WARS2: variants seen among roughly 807,000 people sequenced by gnomAD.
WARS2 encodes the protein tryptophan--tRNA ligase, mitochondrial.
In WARS2, 28 loss-of-function variants were observed where a neutral mutation model predicts 36.5. The observed-to-expected ratio is 0.77, with a 90% CI of 0.57 to 1.05. The LOEUF (loss-of-function observed/expected upper bound fraction) is 1.05. Among genes scored for constraint, WARS2 ranks in the 50% least tolerant of loss-of-function variants. The pLI is 0.00. For missense variants in WARS2, 435 were observed against 456.8 expected (o/e 0.95, Z 0.44); for synonymous variants, 174 against 178.4 (o/e 0.98, Z 0.20).
At chr1:119,101,025 G>A (rs1467786404) in intron 1 of WARS2, among the ~76,000 whole-genome samples, 1 of 152,168 alleles carries the variant, frequency 6.6e-6, no homozygotes, top group Non-Finnish European at 1.5e-5. Flanking sequence ...TGGAAGTAAA[G>A]AGTGGAAAGA....
chr1:119,046,034 TACTC>T (rs1386783173), intron 2 of WARS2, among the ~76,000 whole-genome samples: 1 of 151,924 alleles, frequency 6.6e-6, no homozygotes, highest in African/African-American at 2.4e-5. Flanking sequence ...CACACTCACA[TACTC>T]ACACACACTC....
At chr1:119,045,761 C>T in intron 2 of WARS2, 99 bp from the exon 3 acceptor site, 1 of 966,952 alleles carries the variant, frequency 1.0e-6, no homozygotes. Flanking sequence ...CTGAAAATAC[C>T]CCAAATTAAG....
At chr1:119,046,308 TTAAG>T (rs1487839779) in intron 2 of WARS2, among the ~76,000 whole-genome samples, 1 of 94,308 alleles carries the variant, frequency 1.1e-5, no homozygotes, top group Non-Finnish European at 2.1e-5. Flanking sequence ...TTTTTTTTTT[TTAAG>T]AAGAAGTCTA....
At chr1:119,079,076 C>T (rs587663873) in intron 1 of WARS2, among the ~76,000 whole-genome samples, 1 of 151,982 alleles carries the variant, frequency 6.6e-6, no homozygotes, top group Non-Finnish European at 1.5e-5. Context: ...AGGTAAGCAT[C>T]TAATTTCTTC....
chr1:119,115,798 T>C (rs1654922676), intron 1 of WARS2, among the ~76,000 whole-genome samples: 1 of 152,230 alleles, frequency 6.6e-6, no homozygotes, highest in Non-Finnish European at 1.5e-5. Flanking sequence ...CTGACACCCA[T>C]GACACTTTCT....
rs587653492 is a variant in WARS2 at position 119,089,356 on chromosome 1, G to A, written c.91-12749C>T. Among the ~76,000 whole-genome samples, 38 of 152,242 alleles carry A rather than the reference G, an allele frequency of 2.5e-4. 1 individual carries two copies. Among genetic ancestry groups the A allele is most frequent in the Admixed American group, 9.8e-4 (15 of 15,294 alleles). On this transcript the variant is annotated intron_variant, in intron 1 of 5. Coordinates refer to ENST00000235521, the MANE Select transcript of WARS2 (RefSeq NM_015836.4). ...TCAGACCCTTCTGTCAGCTCAGGTTGTTAACTCAGCCTTATAGTAAGTTCG... is the reference window on the plus strand; with the variant it reads ...TCAGACCCTTCTGTCAGCTCAGGTTATTAACTCAGCCTTATAGTAAGTTCG...
intron 1 of WARS2, among the ~76,000 whole-genome samples, chr1:119,110,844 T>C (rs1468796548): frequency 6.6e-6 from 1 of 152,140 alleles, no homozygotes; most frequent in Admixed American, 6.6e-5. Context: ...TCTTTTATTT[T>C]TTCTCATTGC....
At chr1:119,140,668 G>T (rs760338709), upstream of WARS2, 4 of 1,604,996 alleles carry the variant, frequency 2.5e-6, no homozygotes, top group East Asian at 2.2e-5. Context: ...GAGCCGTCTT[G>T]TTTGGAATGA....
At chr1:119,113,740 C>T (rs149372287) in intron 1 of WARS2, among the ~76,000 whole-genome samples, 259 of 152,220 alleles carry the variant, frequency 1.7e-3, no homozygotes, top group African/African-American at 5.9e-3. Flanking sequence ...GATTGAGCCT[C>T]TTGGCTCTTT....
chr1:119,040,527 T>C (rs902338161), intron 4 of WARS2, among the ~76,000 whole-genome samples: 2 of 152,212 alleles, frequency 1.3e-5, no homozygotes, highest in African/African-American at 4.8e-5. Context: ...GGTTTCACTA[T>C]TTTGCCCAGG....
At chr1:119,098,795 G>A (rs1258903437) in intron 1 of WARS2, among the ~76,000 whole-genome samples, 1 of 151,322 alleles carries the variant, frequency 6.6e-6, no homozygotes, top group Non-Finnish European at 1.5e-5. Flanking sequence ...GGAGTGCAAT[G>A]GCGTGATCTC....
In WARS2 at chr1:119,113,075, T is replaced by TA. The variant is rs587775319; in HGVS notation, c.90+27479dup. ...GAGTCCATGGTCAGTAGGTAGGGTT[T>TA]AGAGATTAGAATGCTAAAAGGTGAT... On this transcript the variant is annotated intron_variant, in intron 1 of 5. Coordinates refer to ENST00000235521, the MANE Select transcript of WARS2 (RefSeq NM_015836.4). 1.2e-3 allele frequency among the ~76,000 whole-genome samples: 189 copies of TA among 152,302 alleles called. 1 individual carries two copies. Among genetic ancestry groups the TA allele is most frequent in the South Asian group, 8.9e-3 (43 of 4,820 alleles).
intron 1 of WARS2, among the ~76,000 whole-genome samples, chr1:119,077,148 A>AAAAAAAAAAAAG (rs1651810265): frequency 6.7e-6 from 1 of 150,126 alleles, no homozygotes; most frequent in Non-Finnish European, 1.5e-5. Flanking sequence ...AAAAAAAAAA[A>AAAAAAAAAAAAG]GGAAAAGATC....
rs1653775512 is a variant in WARS2 at position 119,100,467 on chromosome 1, T to C, written c.91-23860A>G. Among the ~76,000 whole-genome samples, 4 of 152,272 alleles carry C rather than the reference T, an allele frequency of 2.6e-5. No homozygotes were observed. The South Asian group carries it at 8.3e-4, about 32-fold the overall frequency. On this transcript the variant is annotated intron_variant, in intron 1 of 5. Transcript: ENST00000235521. ...ATCTGCCCAAAGAAAAAGAAATCAA[T>C]ATATCAAAGGGATATCTGCACTCGC...
At chr1:119,133,077 G>T (rs1324724061) in intron 1 of WARS2, among the ~76,000 whole-genome samples, 1 of 152,144 alleles carries the variant, frequency 6.6e-6, no homozygotes, top group Non-Finnish European at 1.5e-5. Context: ...TACCTGCAGG[G>T]CTCTGTGCAG....
At chr1:119,056,812 C>A (rs1392342804) in intron 2 of WARS2, among the ~76,000 whole-genome samples, 1 of 151,938 alleles carries the variant, frequency 6.6e-6, no homozygotes, top group Non-Finnish European at 1.5e-5. Context: ...ATAATATAAA[C>A]TCTTATGCTT....
chr1:119,085,273 A>C (rs1464200159), intron 1 of WARS2: 1 of 967,978 alleles, frequency 1.0e-6, no homozygotes, highest in Non-Finnish European at 1.7e-6. Context: ...GCCCAACCAG[A>C]GTAGGCAGTC....
intron 2 of WARS2, among the ~76,000 whole-genome samples, chr1:119,057,901 TTATGGG>T (rs1649976021): frequency 6.6e-6 from 1 of 152,210 alleles, no homozygotes; most frequent in Non-Finnish European, 1.5e-5. Context: ...TGCTCCCACT[TTATGGG>T]TTACCTTTTC....
intron 2 of WARS2, among the ~76,000 whole-genome samples, chr1:119,070,417 C>T (rs547526631): frequency 6.6e-5 from 10 of 152,136 alleles, no homozygotes; most frequent in African/African-American, 2.4e-4. Context: ...AGGCGTGCGA[C>T]ACCACGCCTG....
Sources: gnomAD v4.1 joint callset for allele counts (sites outside exome capture counted in the v4.1 genomes callset) on GRCh38, gnomAD v4.1.1 for gene constraint, MANE v1.5 for transcripts, NCBI Gene and HGNC (gene_info 2026-07-23, HGNC 2026-07-21) for gene names.